PACSIN2: variants seen among roughly 807,000 people sequenced by gnomAD.
PACSIN2 encodes the protein protein kinase C and casein kinase substrate in neurons protein 2.
PACSIN2 carries 25 observed loss-of-function variants against 63.8 expected under a neutral mutation model. The observed-to-expected ratio is 0.39, with a 90% CI of 0.29 to 0.55. The LOEUF (loss-of-function observed/expected upper bound fraction) is 0.55, where lower values mean the gene tolerates loss of function less well. Among genes scored for constraint, PACSIN2 ranks in the 20% least tolerant of loss-of-function variants. PACSIN2 has a pLI of 0.62. For synonymous variants in PACSIN2, 255 were observed against 256.2 expected (o/e 1.00, Z 0.05); for missense variants, 518 against 646.9 (o/e 0.80, Z 2.16).
chr22:42,939,749 C>T (rs2146799456), intron 1 of PACSIN2, among the ~76,000 whole-genome samples: 1 of 152,306 alleles, frequency 6.6e-6, no homozygotes, highest in East Asian at 1.9e-4. Flanking sequence ...AGCCTGTTTC[C>T]TTACCTACAA....
At chr22:42,939,835 T>C (rs1420272199) in intron 1 of PACSIN2, among the ~76,000 whole-genome samples, 1 of 152,174 alleles carries the variant, frequency 6.6e-6, no homozygotes, top group South Asian at 2.1e-4. Flanking sequence ...CTCTAGTCAT[T>C]TGCTTCTTCG....
At chr22:42,904,699 C>T (rs965651549) in intron 2 of PACSIN2, among the ~76,000 whole-genome samples, 2 of 134,600 alleles carry the variant, frequency 1.5e-5, no homozygotes, top group African/African-American at 5.6e-5. Flanking sequence ...CTCCTCTTCC[C>T]AGTTTGGTGC....
At chr22:42,905,118 A>T (rs1197414985) in intron 2 of PACSIN2, among the ~76,000 whole-genome samples, 1 of 152,278 alleles carries the variant, frequency 6.6e-6, no homozygotes, top group Non-Finnish European at 1.5e-5. Flanking sequence ...AAAATTTAAA[A>T]AATTTTATCT....
At chr22:43,006,209 G>C (rs1309536866) in intron 1 of PACSIN2, among the ~76,000 whole-genome samples, 1 of 152,166 alleles carries the variant, frequency 6.6e-6, no homozygotes, top group Non-Finnish European at 1.5e-5. Context: ...ACCCAACCAT[G>C]CTGGTACCCT....
At chr22:42,965,260 C>G (rs1235007129) in intron 1 of PACSIN2, among the ~76,000 whole-genome samples, 1 of 152,130 alleles carries the variant, frequency 6.6e-6, no homozygotes, top group Non-Finnish European at 1.5e-5. Context: ...TAATGTTTGC[C>G]AGGGCCAGGG....
chr22:42,899,455 C>T (rs1027416330), intron 2 of PACSIN2, among the ~76,000 whole-genome samples: 1 of 152,058 alleles, frequency 6.6e-6, no homozygotes, highest in African/African-American at 2.4e-5. Flanking sequence ...AGAGACACCT[C>T]TGTATGTGGG....
At chr22:42,917,649 C>T (rs369726351) in intron 1 of PACSIN2, among the ~76,000 whole-genome samples, 16 of 152,176 alleles carry the variant, frequency 1.1e-4, no homozygotes, top group Non-Finnish European at 1.3e-4. Context: ...AAAGTGAACA[C>T]GCACTGCTCT....
intron 4 of PACSIN2, among the ~76,000 whole-genome samples, chr22:42,890,121 C>T (rs1167989231): frequency 6.6e-6 from 1 of 151,748 alleles, no homozygotes; most frequent in African/African-American, 2.4e-5. Context: ...CCTCCCTCAG[C>T]CTCCTGAGTA....
chr22:43,011,326 T>C (rs1345785577), intron 1 of PACSIN2, among the ~76,000 whole-genome samples: 1 of 152,184 alleles, frequency 6.6e-6, no homozygotes, highest in Non-Finnish European at 1.5e-5. Flanking sequence ...AATGTGGTCA[T>C]TAATCGCATA....
intron 1 of PACSIN2, among the ~76,000 whole-genome samples, chr22:42,989,475 G>C (rs1922858381): frequency 6.9e-6 from 1 of 145,656 alleles, no homozygotes; most frequent in Non-Finnish European, 1.5e-5. Flanking sequence ...TCCAGCCTGG[G>C]CAATAAGAGT....
At chr22:42,981,347 G>A (rs1922101659) in intron 1 of PACSIN2, among the ~76,000 whole-genome samples, 1 of 145,578 alleles carries the variant, frequency 6.9e-6, no homozygotes, top group Admixed American at 6.7e-5. Context: ...CGTCCGGGAG[G>A]GAGGTGGGGG....
intron 1 of PACSIN2, among the ~76,000 whole-genome samples, chr22:42,935,714 C>T (rs977444000): frequency 3.3e-5 from 5 of 152,060 alleles, no homozygotes; most frequent in African/African-American, 7.2e-5. Context: ...AACAGGTTCA[C>T]GGGCCAGACA....
intron 10 of PACSIN2, among the ~76,000 whole-genome samples, chr22:42,873,100 G>A (rs1928298593): frequency 1.3e-5 from 2 of 152,354 alleles, no homozygotes; most frequent in South Asian, 2.1e-4. Flanking sequence ...TTGTTAAAAA[G>A]CAGGATAACA....
intron 1 of PACSIN2, among the ~76,000 whole-genome samples, chr22:42,949,741 G>A (rs1933598699): frequency 6.6e-6 from 1 of 151,848 alleles, no homozygotes; most frequent in South Asian, 2.1e-4. Context: ...GAAAGAACCT[G>A]TCCTTCATAA....
intron 1 of PACSIN2, among the ~76,000 whole-genome samples, chr22:42,965,892 C>A (rs911353175): frequency 6.6e-6 from 1 of 151,812 alleles, no homozygotes; most frequent in African/African-American, 2.4e-5. Flanking sequence ...ATCTTAAATT[C>A]TAGAAACCTA....
intron 1 of PACSIN2, among the ~76,000 whole-genome samples, chr22:43,008,555 C>T (rs1309404721): frequency 1.3e-5 from 2 of 152,194 alleles, no homozygotes; most frequent in Non-Finnish European, 2.9e-5. Flanking sequence ...GGCCTAAGTT[C>T]AGTGTTCTTT....
chr22:42,965,074 G>A (rs1015136008), intron 1 of PACSIN2, among the ~76,000 whole-genome samples: 2 of 152,200 alleles, frequency 1.3e-5, no homozygotes, highest in African/African-American at 4.8e-5. Context: ...TGTGGCATCG[G>A]CGCACAGCTG....
chr22:42,911,992 C>T, intron 2 of PACSIN2, 29 bp downstream of exon 2: 1 of 1,565,992 alleles, frequency 6.4e-7, no homozygotes, highest in South Asian at 1.1e-5. Context: ...CTGGCCACTT[C>T]ATTCACTGGA....
intron 4 of PACSIN2, among the ~76,000 whole-genome samples, chr22:42,889,645 G>C (rs1027945596): frequency 6.6e-6 from 1 of 152,096 alleles, no homozygotes; most frequent in Non-Finnish European, 1.5e-5. Flanking sequence ...GCAGCGCAAG[G>C]CCAGAGAACA....
Sources: allele counts gnomAD v4.1 joint callset (sites outside exome capture counted in the v4.1 genomes callset), GRCh38; gene constraint gnomAD v4.1.1; transcripts MANE v1.5; gene names NCBI Gene and HGNC (gene_info 2026-07-23, HGNC 2026-07-21).